The following PSMD2 variants were observed in gnomAD, a reference collection of about 807,000 sequenced individuals.
PSMD2 encodes the protein 26S proteasome non-ATPase regulatory subunit 2.
Under a neutral mutation model 101.5 loss-of-function variants are expected in PSMD2, and 8 were observed. That is an observed-to-expected ratio of 0.08 (90% CI 0.05 to 0.14). The LOEUF (loss-of-function observed/expected upper bound fraction) is 0.14, where lower values mean the gene tolerates loss of function less well. Among genes scored for constraint, PSMD2 ranks in the 10% least tolerant of loss-of-function variants. The probability of loss-of-function intolerance (pLI) is 1.00; values close to 1 mark genes in which losing one functional copy is unlikely to be tolerated. For synonymous variants in PSMD2, 418 were observed against 433.8 expected, an observed-to-expected ratio of 0.96 and a Z score of 0.45; for missense variants, 784 against 1,147.4, an observed-to-expected ratio of 0.68 and a Z score of 4.58.
chr3:184,307,635 C>T lies in PSMD2; in HGVS notation c.2225C>T (p.Ala742Val). Residue 742 changes from alanine (A) to valine (V), a missense_variant, in exon 18 of 21, where the codon GCT (alanine) becomes GTT (valine). By Grantham distance (64) the Ala-to-Val change is moderately conservative (BLOSUM62 0). This residue lies in a region of PSMD2 where 282 missense variants were observed against 437.6 expected (regional missense o/e 0.64). Coordinates refer to ENST00000310118, the MANE Select transcript of PSMD2 (RefSeq NM_002808.5). ...VGSGTNNARL[A>V]AMLRQLAQYH... ...CCAGGTACCAATAATGCCCGTCTGGCTGCAATGCTGCGCCAGTTAGCTCAA... is the reference window on the plus strand; with the variant it reads ...CCAGGTACCAATAATGCCCGTCTGGTTGCAATGCTGCGCCAGTTAGCTCAA... The T allele has an allele frequency of 6.2e-7, 1 of 1,614,144 alleles. No homozygotes were observed. The highest frequency in any genetic ancestry group is 8.5e-7 in the Non-Finnish European group (1 of 1,180,050).
chr3:184,303,627 T>C lies in PSMD2; in HGVS notation c.1217-16T>C, dbSNP rs1225382963. 2 of 1,614,130 alleles carry C rather than the reference T, an allele frequency of 1.2e-6. No individual in the cohort carries two copies. The highest frequency in any genetic ancestry group is 1.3e-5 in the African/African-American group (1 of 75,068). On this transcript the variant is annotated splice_polypyrimidine_tract_variant and intron_variant, in intron 9 of 20. Coordinates refer to ENST00000310118, the MANE Select transcript of PSMD2 (RefSeq NM_002808.5). ...ATAGGGCCATTTTAAGACTAATAGA[T>C]TCTTCCCTGGTATAGGAATGTTGAG... is the stretch of plus-strand genomic sequence containing the variant.
At position 184,301,488 on chromosome 3, in the gene PSMD2, T is replaced by A. The variant is rs746605514; in HGVS notation, c.358-49T>A. Reference sequence around the variant, plus strand: ...TCTTGATTCCACAATGCATGCTCCCTTTATGCTGGACTGCTGGGTTTGACT... The same window carrying A: ...TCTTGATTCCACAATGCATGCTCCCATTATGCTGGACTGCTGGGTTTGACT... On this transcript the variant is annotated intron_variant, in intron 3 of 20. Coordinates refer to ENST00000310118, the MANE Select transcript of PSMD2 (RefSeq NM_002808.5). The A allele has an allele frequency of 3.7e-6, 6 of 1,607,950 alleles. No homozygotes were observed. In the South Asian group the frequency reaches 5.5e-5, roughly 15 times the overall value.
At chr3:184,302,093 G>A (rs749331799) in intron 5 of PSMD2, 22 bp downstream of exon 5, 127 of 1,608,468 alleles carry the variant, frequency 7.9e-5, no homozygotes, top group Non-Finnish European at 1.1e-4. Context: ...TGGTAGGGAA[G>A]GGTGGCAGGC....
Position 184,302,355 on chromosome 3 carries a change from C to T in PSMD2, c.705-15C>T. ...CTGGGACTTTCTGAATTCTTTGTTA[C>T]TTTTACTTTTGTAGTTGTGTGAATT... On this transcript the variant is annotated splice_polypyrimidine_tract_variant and intron_variant, in intron 5 of 20. Coordinates refer to ENST00000310118, the MANE Select transcript of PSMD2 (RefSeq NM_002808.5). The T allele has an allele frequency of 1.2e-6, 2 of 1,605,096 alleles. No homozygotes were observed. Among genetic ancestry groups the T allele is most frequent in the Non-Finnish European group, 1.7e-6 (2 of 1,176,710 alleles).
At chr3:184,302,916 A>C in intron 7 of PSMD2, 86 bp from the exon 8 acceptor site, 1 of 1,610,370 alleles carries the variant, frequency 6.2e-7, no homozygotes, top group Non-Finnish European at 8.5e-7. Flanking sequence ...ACTCTCCTTG[A>C]TTAGAATTGC....
At chr3:184,301,736 T>G in intron 4 of PSMD2, 78 bp downstream of exon 4, 1 of 1,608,998 alleles carries the variant, frequency 6.2e-7, no homozygotes, top group Admixed American at 1.7e-5. Context: ...TGGAGTACAA[T>G]CTGTCTTGGA....
chr3:184,304,696 G>A lies in PSMD2; in HGVS notation c.1539+305G>A, dbSNP rs1721770189. Among the ~76,000 whole-genome samples the A allele has an allele frequency of 6.6e-6, 1 of 151,960 alleles. No homozygotes were observed. Among genetic ancestry groups the A allele is most frequent in the South Asian group, 2.1e-4 (1 of 4,812 alleles). On this transcript the variant is annotated intron_variant, in intron 12 of 20. Coordinates refer to ENST00000310118, the MANE Select transcript of PSMD2 (RefSeq NM_002808.5). The surrounding 1 kb of genome is among the most constrained non-coding windows in gnomAD (Gnocchi z 4.1). ...AGCCCAGGAGTTCGAGACCAACCTGGGCAAGATTGTGAAACCCCATTTCTA... is the reference window on the plus strand; with the variant it reads ...AGCCCAGGAGTTCGAGACCAACCTGAGCAAGATTGTGAAACCCCATTTCTA...
chr3:184,306,181 G>T (rs767694076), intron 14 of PSMD2, 26 bp downstream of exon 14: 1 of 1,612,466 alleles, frequency 6.2e-7, no homozygotes, highest in South Asian at 1.1e-5. Flanking sequence ...AGTCTGTCTT[G>T]TGCTTCCCCA....
intron 8 of PSMD2, 95 bp from the exon 9 acceptor site, chr3:184,303,225 C>T (rs1239921324): frequency 6.5e-7 from 1 of 1,527,238 alleles, no homozygotes; most frequent in African/African-American, 1.4e-5. Context: ...TACTAAGGGA[C>T]TAGCTCAGAA....
rs746970199 is a variant in PSMD2, at chr3:184,308,064, T to C, written c.2425+48T>C. The C allele has an allele frequency of 1.2e-6, 2 of 1,604,062 alleles. No homozygotes were observed. The highest frequency in any genetic ancestry group is 8.5e-7 in the Non-Finnish European group (1 of 1,175,960). On this transcript the variant is annotated intron_variant, in intron 19 of 20. Transcript: ENST00000310118. This position sits in a 1 kb window ranked among gnomAD's most constrained non-coding sequence, Gnocchi z 6.0. Reference sequence around the variant, plus strand: ...ATATCATAGCATGCAGGGCTCTGACTCCACCCTTTCCAGGGCCACTTTGAT... The same window carrying C: ...ATATCATAGCATGCAGGGCTCTGACCCCACCCTTTCCAGGGCCACTTTGAT...
rs148314736 is a variant in PSMD2 at position 184,306,024 on chromosome 3, A to G, written c.1703-30A>G. 765 of 1,613,956 alleles carry G rather than the reference A, an allele frequency of 4.7e-4. 3 individuals are homozygous for G. In the African/African-American group the frequency reaches 8.0e-3, roughly 17 times the overall value. On this transcript the variant is annotated intron_variant, in intron 13 of 20. Coordinates refer to ENST00000310118, the MANE Select transcript of PSMD2 (RefSeq NM_002808.5). Reference sequence around the variant, plus strand: ...CAGGCTGTGCTGGATGGAGGCAAGTATCCTCTGACCCCTTGAATCTGTCCT... The same window carrying G: ...CAGGCTGTGCTGGATGGAGGCAAGTGTCCTCTGACCCCTTGAATCTGTCCT...
At chr3:184,303,195 G>GC in intron 8 of PSMD2, 125 bp from the exon 9 acceptor site, 1 of 1,486,302 alleles carries the variant, frequency 6.7e-7, no homozygotes, top group Non-Finnish European at 9.3e-7. Flanking sequence ...GTCACTGCTT[G>GC]GGGGGGTATA....
At position 184,302,798 on chromosome 3, in the gene PSMD2, G is replaced by A; in HGVS notation, c.983G>A (p.Ser328Asn). 6.2e-7 allele frequency: 1 copy of A among 1,614,184 alleles called. No individual in the cohort carries two copies. The highest frequency in any genetic ancestry group is 8.5e-7 in the Non-Finnish European group (1 of 1,180,040). The change falls in exon 7 of 21, where the codon AGC becomes AAC. Residue 328 changes from serine to asparagine, a missense_variant. Physicochemically the swap from Ser to Asn is conservative, Grantham distance 46. This residue lies in a region of PSMD2 where 208 missense variants were observed against 301.6 expected (regional missense o/e 0.69). Coordinates refer to ENST00000310118, the MANE Select transcript of PSMD2 (RefSeq NM_002808.5). ...ATCATGTCCAATGTACAGCTCAACAGCAACTTCTTGGCCTTAGCTCGGGAG... is the reference window on the plus strand; with the variant it reads ...ATCATGTCCAATGTACAGCTCAACAACAACTTCTTGGCCTTAGCTCGGGAG... ...TEIMSNVQLN[S>N]NFLALARELD...
rs1039084621 is a variant in PSMD2 at position 184,300,601 on chromosome 3, G to A, written c.357+157G>A. 4 of 1,419,598 alleles carry A rather than the reference G, an allele frequency of 2.8e-6. No homozygotes were observed. The African/African-American group carries it at 5.8e-5, about 21-fold the overall frequency. The allele number at this position is 1,419,598 out of a possible 1,614,324, so 87.9% of individuals were successfully genotyped here. A position where few individuals can be genotyped will look rare whatever the true frequency, so the allele number is the denominator to read the frequency against. ...CAGTCAAAATATCTACAGAAGAGCT[G>A]AAAGGAAGGTCAGCTTCTCAGAAGA... is the stretch of plus-strand genomic sequence containing the variant. On this transcript the variant is annotated intron_variant, in intron 3 of 20. Coordinates refer to ENST00000310118, the MANE Select transcript of PSMD2 (RefSeq NM_002808.5).
intron 17 of PSMD2, 33 bp downstream of exon 17, chr3:184,307,558 A>C (rs760861628): frequency 2.1e-5 from 34 of 1,613,972 alleles, no homozygotes; most frequent in Middle Eastern, 1.6e-4. Context: ...TCATAAACAG[A>C]TTGGGGGAAG....
chr3:184,306,328 C>G (rs1483414620), intron 14 of PSMD2, 22 bp from the exon 15 acceptor site: 1 of 1,609,874 alleles, frequency 6.2e-7, no homozygotes, highest in Admixed American at 1.7e-5. Context: ...TCTGTCCATT[C>G]TCCCTCACCA....
chr3:184,302,098 G>T, intron 5 of PSMD2, 27 bp downstream of exon 5: 2 of 1,607,050 alleles, frequency 1.2e-6, no homozygotes, highest in Non-Finnish European at 1.7e-6. Context: ...GGGAAGGGTG[G>T]CAGGCATGCC....
chr3:184,301,907 G>T lies in PSMD2; in HGVS notation c.540G>T (p.Gln180His). Residue 180 changes from glutamine (Q) to histidine (H), a missense_variant, in exon 5 of 21, where the codon CAG (glutamine) becomes CAT (histidine). Coordinates refer to ENST00000310118, the MANE Select transcript of PSMD2 (RefSeq NM_002808.5). ...AGCTGGATGACGCAGAGAAGGTCCAGCGGGAGCCTCTGCTCACTCTGGTGA... is the reference window on the plus strand; with the variant it reads ...AGCTGGATGACGCAGAGAAGGTCCATCGGGAGCCTCTGCTCACTCTGGTGA... ...WQELDDAEKVQREPLLTLVKE... is the reference protein window; with the variant it reads ...WQELDDAEKVHREPLLTLVKE... 2.5e-6 allele frequency: 4 copies of T among 1,614,236 alleles called. No individual in the cohort carries two copies. Among genetic ancestry groups the T allele is most frequent in the Non-Finnish European group, 3.4e-6 (4 of 1,180,040 alleles).
At chr3:184,303,840 A>C (rs9883929) in intron 10 of PSMD2, 91 bp downstream of exon 10, 127,673 of 1,601,354 alleles carry the variant, frequency 0.08, 6,291 homozygotes, top group African/African-American at 0.21. Context: ...AGGTCTGCCC[A>C]GTTTTTAACT....
Sources: allele counts gnomAD v4.1 joint callset (sites outside exome capture counted in the v4.1 genomes callset), GRCh38; gene constraint gnomAD v4.1.1; regional missense constraint gnomAD v4.1.1; non-coding constraint Gnocchi (gnomAD v3.1); transcripts MANE v1.5; gene names NCBI Gene and HGNC (gene_info 2026-07-23, HGNC 2026-07-21).